The following CCDC7 variants were observed in gnomAD, a reference collection of about 807,000 sequenced individuals.
CCDC7 encodes coiled-coil domain containing 7.
CCDC7 carries 183 observed loss-of-function variants against 196.9 expected under a neutral mutation model. The observed-to-expected ratio is 0.93, with a 90% confidence interval of 0.82 to 1.05. The LOEUF (loss-of-function observed/expected upper bound fraction) is 1.05, where lower values mean the gene tolerates loss of function less well. Among genes scored for constraint, CCDC7 ranks in the 50% least tolerant of loss-of-function variants. The pLI is 0.00. For missense variants in CCDC7, 1,540 were observed against 1,482.2 expected, an observed-to-expected ratio of 1.04 and a Z score of -0.64; for synonymous variants, 525 against 484.6, an observed-to-expected ratio of 1.08 and a Z score of -1.10.
chr10:32,869,679 A>G (rs946448513), intron 41 of CCDC7, among the ~76,000 whole-genome samples: 3 of 152,110 alleles, frequency 2.0e-5, no homozygotes, highest in African/African-American at 7.2e-5. Context: ...GTTTCCTTCT[A>G]GGGTTTTTAT....
chr10:32,808,685 C>G (rs964347986), intron 30 of CCDC7, among the ~76,000 whole-genome samples: 2 of 144,264 alleles, frequency 1.4e-5, no homozygotes, highest in African/African-American at 4.9e-5. Context: ...GCATGCTCAG[C>G]CATTGCTATC....
chr10:32,491,570 G>T (rs946106115), intron 8 of CCDC7, among the ~76,000 whole-genome samples: 17 of 152,152 alleles, frequency 1.1e-4, no homozygotes, highest in Admixed American at 9.2e-4. Context: ...ATCATAAGAA[G>T]GTCACATATG....
chr10:32,476,022 T>C (rs112640787), intron 8 of CCDC7, among the ~76,000 whole-genome samples: 24 of 152,256 alleles, frequency 1.6e-4, no homozygotes, highest in African/African-American at 5.8e-4. Flanking sequence ...ATTAATGTGA[T>C]ACATTTGTTA....
At chr10:32,702,296 G>A (rs2078895427) in intron 24 of CCDC7, among the ~76,000 whole-genome samples, 1 of 152,152 alleles carries the variant, frequency 6.6e-6, no homozygotes, top group Non-Finnish European at 1.5e-5. Flanking sequence ...TCATTCAGGA[G>A]TGGGTTGTTC....
intron 20 of CCDC7, among the ~76,000 whole-genome samples, chr10:32,638,445 G>T (rs1264335686): frequency 3.9e-5 from 6 of 152,172 alleles, no homozygotes; most frequent in Non-Finnish European, 7.4e-5. Flanking sequence ...CATGAAGGTT[G>T]TTGAATTTTG....
chr10:32,503,893 C>T (rs2044453197), intron 9 of CCDC7, among the ~76,000 whole-genome samples: 1 of 141,262 alleles, frequency 7.1e-6, no homozygotes, highest in South Asian at 2.1e-4. Context: ...CTAGGTTGTT[C>T]AGTTTGTTAG....
At chr10:32,544,401 T>C in intron 13 of CCDC7, 100 bp downstream of exon 14, 1 of 1,228,216 alleles carries the variant, frequency 8.1e-7, no homozygotes, top group South Asian at 1.9e-5. Flanking sequence ...ATAGGGTATA[T>C]ATGTCTGTGT....
At chr10:32,678,589 G>C (rs1591505693) in intron 21 of CCDC7, among the ~76,000 whole-genome samples, 1 of 152,046 alleles carries the variant, frequency 6.6e-6, no homozygotes, top group African/African-American at 2.4e-5. Context: ...TTGGTTTTTA[G>C]CTACCTTCAG....
chr10:32,734,429 G>A (rs183486952), intron 28 of CCDC7, among the ~76,000 whole-genome samples: 2 of 152,122 alleles, frequency 1.3e-5, no homozygotes, highest in East Asian at 1.9e-4. Context: ...AAAACACTGG[G>A]GTCTACTTGA....
chr10:32,817,653 A>G (rs1210594476), intron 31 of CCDC7, among the ~76,000 whole-genome samples: 4 of 152,242 alleles, frequency 2.6e-5, no homozygotes, highest in Non-Finnish European at 5.9e-5. Context: ...CAGAAACTCT[A>G]CAAGCCAGAA....
At chr10:32,636,388 A>C (rs2682273) in intron 20 of CCDC7, among the ~76,000 whole-genome samples, 140,524 of 152,078 alleles carry the variant, frequency 0.92, 65,897 homozygotes, top group East Asian at 1. Context: ...CTACCCCCAC[A>C]CCACAACAGT....
At chr10:32,582,229 C>T (rs1041533312) in intron 16 of CCDC7, among the ~76,000 whole-genome samples, 4 of 149,176 alleles carry the variant, frequency 2.7e-5, no homozygotes, top group African/African-American at 4.9e-5. Context: ...AACTAACAAA[C>T]GTAGGATAGG....
intron 13 of CCDC7, among the ~76,000 whole-genome samples, chr10:32,552,293 A>G (rs942493836): frequency 6.6e-6 from 1 of 152,074 alleles, no homozygotes; most frequent in Admixed American, 6.6e-5. Flanking sequence ...GCGAGTCCTT[A>G]TGTGTTAGCG....
chr10:32,874,753 T>TACAC (rs3035173), intron 41 of CCDC7, among the ~76,000 whole-genome samples: 12,296 of 145,216 alleles, frequency 0.085, 538 homozygotes, highest in Non-Finnish European at 0.1. Flanking sequence ...CCAACATATC[T>TACAC]ACACACACAC....
chr10:32,517,863 A>C, intron 9 of CCDC7, 82 bp from the exon 11 acceptor site: 5 of 1,508,136 alleles, frequency 3.3e-6, no homozygotes, highest in Non-Finnish European at 3.6e-6. Context: ...TACCAAAAGA[A>C]AAAAAAAGAA....
At chr10:32,731,024 T>C (rs1216234851) in intron 28 of CCDC7, among the ~76,000 whole-genome samples, 1 of 152,152 alleles carries the variant, frequency 6.6e-6, no homozygotes, top group Non-Finnish European at 1.5e-5. Flanking sequence ...TTGATTATTC[T>C]ATCAATTATT....
At chr10:32,448,322 T>C (rs1240283699), upstream of CCDC7, among the ~76,000 whole-genome samples, 1 of 151,720 alleles carries the variant, frequency 6.6e-6, no homozygotes, top group Non-Finnish European at 1.5e-5. Flanking sequence ...TTAATTTTAA[T>C]TTTTTATGAG....
intron 21 of CCDC7, among the ~76,000 whole-genome samples, chr10:32,670,195 T>A (rs895691924): frequency 1.3e-5 from 2 of 151,862 alleles, no homozygotes; most frequent in Non-Finnish European, 2.9e-5. Context: ...CAATGCAATT[T>A]ATTTGATTAT....
intron 28 of CCDC7, among the ~76,000 whole-genome samples, chr10:32,747,864 A>G (rs2075048681): frequency 6.6e-6 from 1 of 152,232 alleles, no homozygotes; most frequent in Admixed American, 6.5e-5. Context: ...ATTACTGGTT[A>G]TATAGCCAAA....
Sources: allele counts gnomAD v4.1 joint callset (sites outside exome capture counted in the v4.1 genomes callset), GRCh38; gene constraint gnomAD v4.1.1; transcripts MANE v1.5; gene names NCBI Gene and HGNC (gene_info 2026-07-23, HGNC 2026-07-21).